MTCL2: variants seen among roughly 807,000 people sequenced by gnomAD.
MTCL2 encodes the protein microtubule cross-linking factor 2.
At chr20:36,829,266 T>C in the MTCL2 span, 1 of 1,514,884 alleles carries the variant, frequency 6.6e-7, no homozygotes, top group Non-Finnish European at 8.8e-7. Context: ...GAGCCCCCAC[T>C]GCAAGTCCCA....
chr20:36,798,532 C>A, the MTCL2 span, among the ~76,000 whole-genome samples: 2 of 152,218 alleles, frequency 1.3e-5, no homozygotes, highest in African/African-American at 2.4e-5. Flanking sequence ...TCTGTACCAT[C>A]TGACACTACA....
At chr20:36,814,969 G>A in the MTCL2 span, among the ~76,000 whole-genome samples, 2 of 152,202 alleles carry the variant, frequency 1.3e-5, no homozygotes, top group South Asian at 4.1e-4. Flanking sequence ...AGTGAGGGGG[G>A]GAGAATGGCT....
At chr20:36,853,702 GGTGTGTGTGTGTGT>G in the MTCL2 span, among the ~76,000 whole-genome samples, 9 of 143,834 alleles carry the variant, frequency 6.3e-5, no homozygotes, top group East Asian at 4.2e-4. Flanking sequence ...ATCAGGGAGG[GGTGTGTGTGTGTGT>G]GTGTGTGTGT....
At chr20:36,841,233 C>T in the MTCL2 span, among the ~76,000 whole-genome samples, 1 of 147,998 alleles carries the variant, frequency 6.8e-6, no homozygotes, top group Non-Finnish European at 1.5e-5. Context: ...CTCGGGAGGC[C>T]GAGGCATGAG....
the MTCL2 span, among the ~76,000 whole-genome samples, chr20:36,818,842 G>A: frequency 6.6e-6 from 1 of 152,166 alleles, no homozygotes; most frequent in African/African-American, 2.4e-5. Flanking sequence ...AGCATTAAAA[G>A]GCCAGCAGAC....
At chr20:36,802,770 A>T in the MTCL2 span, 2 of 1,460,884 alleles carry the variant, frequency 1.4e-6, no homozygotes, top group South Asian at 2.7e-5. Flanking sequence ...AGATCCAGCT[A>T]TACCTGAAGG....
chr20:36,858,461 AAAACAC>A, the MTCL2 span, among the ~76,000 whole-genome samples: 24 of 42,216 alleles, frequency 5.7e-4, no homozygotes, highest in South Asian at 9.9e-4. Context: ...CCAAGGAGGG[AAAACAC>A]ACACACACAC....
At chr20:36,786,504 G>T in the MTCL2 span, 27 of 1,546,958 alleles carry the variant, frequency 1.7e-5, no homozygotes, top group Non-Finnish European at 2.4e-5. Context: ...GGGGGGGAGT[G>T]CCCTCTCCTC....
At chr20:36,804,768 T>C in the MTCL2 span, 9 of 1,613,980 alleles carry the variant, frequency 5.6e-6, no homozygotes, top group Non-Finnish European at 7.6e-6. Flanking sequence ...CTGCCCGCTC[T>C]GTCTCCCAGG....
At chr20:36,809,578 CTTTTTTTTTTTT>C in the MTCL2 span, among the ~76,000 whole-genome samples, 45 of 124,162 alleles carry the variant, frequency 3.6e-4, 1 homozygote, top group Middle Eastern at 8.0e-3. Flanking sequence ...TTCTTTCATT[CTTTTTTTTTTTT>C]TTTTTTTTTA....
chr20:36,803,947 ATGCC>A, the MTCL2 span, among the ~76,000 whole-genome samples: 2 of 113,096 alleles, frequency 1.8e-5, no homozygotes, highest in African/African-American at 3.7e-5. Context: ...ACACAGTGAG[ATGCC>A]GTCTCAAAAA....
the MTCL2 span, among the ~76,000 whole-genome samples, chr20:36,852,624 G>A: frequency 6.6e-6 from 1 of 152,286 alleles, no homozygotes; most frequent in East Asian, 1.9e-4. Context: ...GAAGGACAGG[G>A]GACAATCCCA....
the MTCL2 span, among the ~76,000 whole-genome samples, chr20:36,786,841 C>G: frequency 1.3e-5 from 2 of 152,108 alleles, no homozygotes; most frequent in Admixed American, 6.6e-5. Context: ...GTAATATATT[C>G]TAGGCTATAC....
At chr20:36,854,435 G>A in the MTCL2 span, among the ~76,000 whole-genome samples, 1 of 152,164 alleles carries the variant, frequency 6.6e-6, no homozygotes, top group Admixed American at 6.5e-5. Flanking sequence ...GGGGCTGAGC[G>A]CTCAAAGGTG....
At chr20:36,823,158 C>T in the MTCL2 span, among the ~76,000 whole-genome samples, 1 of 152,312 alleles carries the variant, frequency 6.6e-6, no homozygotes, top group Non-Finnish European at 1.5e-5. Flanking sequence ...CAGAGAGAGG[C>T]CATGTGGCTC....
At chr20:36,829,224 TG>T in the MTCL2 span, 1 of 1,599,002 alleles carries the variant, frequency 6.3e-7, no homozygotes, top group Non-Finnish European at 8.5e-7. Flanking sequence ...TGTGCAGGGG[TG>T]GGAGAGAGAA....
At chr20:36,801,478 AGGTAGGAGGATGG>A in the MTCL2 span, among the ~76,000 whole-genome samples, 1 of 151,690 alleles carries the variant, frequency 6.6e-6, no homozygotes, top group Admixed American at 6.6e-5. Flanking sequence ...CGGGAGGCTG[AGGTAGGAGGATGG>A]CTTGAGACCA....
At chr20:36,803,739 T>C in the MTCL2 span, among the ~76,000 whole-genome samples, 1 of 151,720 alleles carries the variant, frequency 6.6e-6, no homozygotes, top group Non-Finnish European at 1.5e-5. Context: ...GCAGATCACT[T>C]GAGATCAGAA....
the MTCL2 span, chr20:36,808,482 C>A: frequency 6.4e-7 from 1 of 1,552,600 alleles, no homozygotes; most frequent in Non-Finnish European, 8.7e-7. Context: ...CCAGCCCACA[C>A]TCCCAGTCCC....
Sources: allele counts gnomAD v4.1 joint callset (sites outside exome capture counted in the v4.1 genomes callset), GRCh38; gene constraint gnomAD v4.1.1; transcripts MANE v1.5; gene names NCBI Gene and HGNC (gene_info 2026-07-23, HGNC 2026-07-21).